The following PKD1L3 variants were observed in gnomAD, a reference collection of about 807,000 sequenced individuals.
PKD1L3 encodes polycystin 1 like 3, transient receptor potential channel interacting.
In PKD1L3, 239 loss-of-function variants were observed where a neutral mutation model predicts 184.1. The ratio of observed to expected loss-of-function variants is 1.30; its 90% CI spans 1.17 to 1.45. The LOEUF (loss-of-function observed/expected upper bound fraction) is 1.45, where lower values mean the gene tolerates loss of function less well. PKD1L3 is among the 40% of genes most tolerant of loss of function. The pLI, the probability that PKD1L3 is intolerant of heterozygous loss-of-function variation, is 0.00. For synonymous variants in PKD1L3, 996 were observed against 778.8 expected (o/e 1.28, Z -4.64); for missense variants, 2,660 against 2,067.2 (o/e 1.29, Z -5.56).
intron 22 of PKD1L3, among the ~76,000 whole-genome samples, chr16:71,946,201 G>T (rs767930759): frequency 1.3e-5 from 2 of 152,152 alleles, no homozygotes; most frequent in Non-Finnish European, 2.9e-5. Flanking sequence ...TTTAAAGTCA[G>T]ATTAAGTTTT....
chr16:71,975,838 G>C (rs558692701), intron 11 of PKD1L3, among the ~76,000 whole-genome samples: 47 of 152,204 alleles, frequency 3.1e-4, no homozygotes, highest in Non-Finnish European at 6.5e-4. Flanking sequence ...TAAACCTGGT[G>C]AAATCGGAAT....
rs2038062398 is a variant in PKD1L3, at chr16:71,933,456, A to C, written c.4890T>G (p.Val1630=). The change falls in exon 28 of 30, where the codon GTT becomes GTG. Residue 1630 remains valine, a synonymous_variant. Transcript: ENST00000620267. ...GAGAAATTCCCATCAGGAGACCAAC[A>C]ACAGTCACTGCTGAGCTGAAAAATG... The part of the protein sequence containing the change: ...YRTFFSSAVT[V]VGLLMGISHQ... 4 of 1,550,956 alleles carry C rather than the reference A, an allele frequency of 2.6e-6. No homozygotes were observed. The highest frequency in any genetic ancestry group is 1.4e-5 in the African/African-American group (1 of 73,008).
At chr16:71,943,537 C>CAAA (rs10693124) in intron 23 of PKD1L3, among the ~76,000 whole-genome samples, 9,676 of 83,834 alleles carry the variant, frequency 0.12, 902 homozygotes, top group African/African-American at 0.17. Flanking sequence ...GACTCCGTCT[C>CAAA]AAAAAAAAAA....
intron 16 of PKD1L3, among the ~76,000 whole-genome samples, chr16:71,955,850 G>A (rs1021202134): frequency 6.6e-6 from 1 of 152,104 alleles, no homozygotes; most frequent in African/African-American, 2.4e-5. Flanking sequence ...TCTCCTTGCT[G>A]CCATGTGAAG....
chr16:71,991,574 G>T (rs559232614), intron 3 of PKD1L3, among the ~76,000 whole-genome samples: 1 of 152,268 alleles, frequency 6.6e-6, no homozygotes, highest in Admixed American at 6.5e-5. Context: ...ACAACAAAAA[G>T]GGTGATAAAT....
chr16:71,930,332 A>T, intron 28 of PKD1L3, 149 bp from the exon 29 acceptor site: 1 of 696,112 alleles, frequency 1.4e-6, no homozygotes, highest in Non-Finnish European at 2.2e-6. Flanking sequence ...ATAAGAAGGA[A>T]AATACTTTTA....
At chr16:71,970,794 C>G (rs529808587) in intron 12 of PKD1L3, among the ~76,000 whole-genome samples, 48 of 152,154 alleles carry the variant, frequency 3.2e-4, no homozygotes, top group Admixed American at 5.9e-4. Context: ...GGTGACAGAG[C>G]AAGACTCTGT....
In PKD1L3 at chr16:71,977,282, G is replaced by T. The variant is rs1559401; in HGVS notation, c.1713C>A (p.His571Gln). The change falls in exon 11 of 30, where the codon CAC becomes CAA. Residue 571 changes from histidine (H) to glutamine (Q), a missense_variant. Transcript: ENST00000620267. ...LGFQYQPNCT[H>Q]FHLNITLPKD... ...TTGGAAGGGTGATGTTCAGGTGGAA[G>T]TGAGTGCAGTTAGGCTGATACTGGA... The T allele has an allele frequency of 0.77, 1,184,809 of 1,529,264 alleles. 461,833 individuals are homozygous for T. The highest frequency in any genetic ancestry group is 0.86 in the South Asian group (71,520 of 83,622). The allele number at this position is 1,529,264 out of a possible 1,614,324, so 94.7% of individuals were successfully genotyped here. A position where few individuals can be genotyped will look rare whatever the true frequency, so the allele number is the denominator to read the frequency against.
intron 12 of PKD1L3, among the ~76,000 whole-genome samples, chr16:71,972,770 A>C (rs1221662086): frequency 6.6e-6 from 1 of 152,186 alleles, no homozygotes; most frequent in Non-Finnish European, 1.5e-5. Context: ...CTGATTTGCA[A>C]GACCTTACAC....
At chr16:71,987,166 A>G (rs755012659) in intron 4 of PKD1L3, among the ~76,000 whole-genome samples, 4 of 150,978 alleles carry the variant, frequency 2.6e-5, no homozygotes, top group Non-Finnish European at 3.0e-5. Flanking sequence ...CTTGTGATCC[A>G]CCCACCTTGG....
intron 22 of PKD1L3, among the ~76,000 whole-genome samples, chr16:71,946,563 G>C (rs2038610788): frequency 6.6e-6 from 1 of 151,776 alleles, no homozygotes; most frequent in Non-Finnish European, 1.5e-5. Context: ...GGGTAGGCCA[G>C]TTAGCCTTAG....
Position 71,944,100 on chromosome 16 carries a change from A to T in PKD1L3, c.3789T>A (p.Asn1263Lys). 6.4e-7 allele frequency: 1 copy of T among 1,551,740 alleles called. No individual in the cohort carries two copies. The highest frequency in any genetic ancestry group is 8.7e-7 in the Non-Finnish European group (1 of 1,146,762). Residue 1263 changes from asparagine to lysine, a missense_variant, in exon 23 of 30, where the codon AAT (asparagine) becomes AAA (lysine). By Grantham distance (94) the Asn-to-Lys change is moderately conservative. Coordinates refer to ENST00000620267, the MANE Select transcript of PKD1L3 (RefSeq NM_181536.2). The part of the protein sequence containing the change: ...NNPVYVAPAI[N>K]SPTKHPERTL... ...TTCTTTCTGGGTGCTTAGTTGGACTATTTATAGCTGGGGCTACATAGACGG... is the reference window on the plus strand; with the variant it reads ...TTCTTTCTGGGTGCTTAGTTGGACTTTTTATAGCTGGGGCTACATAGACGG...
At chr16:71,956,504 G>C (rs975044507) in intron 16 of PKD1L3, among the ~76,000 whole-genome samples, 1 of 151,994 alleles carries the variant, frequency 6.6e-6, no homozygotes, top group Non-Finnish European at 1.5e-5. Flanking sequence ...AAAAAGGAAG[G>C]AAATTCTTGC....
chr16:71,950,186 G>A lies in PKD1L3; in HGVS notation c.3315C>T (p.Ala1105=), dbSNP rs1275381491. 3 of 1,552,284 alleles carry A rather than the reference G, an allele frequency of 1.9e-6. No homozygotes were observed. The East Asian group carries it at 7.3e-5, about 38-fold the overall frequency. Residue 1105 remains alanine, a synonymous_variant, in exon 20 of 30, where the codon GCC becomes GCT. Coordinates refer to ENST00000620267, the MANE Select transcript of PKD1L3 (RefSeq NM_181536.2). ...GTTCCTGGAGTTTTTGAAGTTGGCT[G>A]GCTGCATCTAGGAAGTCACAGGACT... The part of the protein sequence containing the change: ...GHQSCDFLDA[A]SQLQKLQELL...
intron 18 of PKD1L3, 90 bp from the exon 19 acceptor site, chr16:71,951,834 G>T (rs142891577): frequency 5.1e-6 from 6 of 1,182,240 alleles, no homozygotes; most frequent in Middle Eastern, 2.0e-4. Context: ...GTTCCCTTTC[G>T]TCAGAAGGGG....
rs189370109 is a variant in PKD1L3, at chr16:71,931,711, C to T, written c.4927-1528G>A. 1.4e-4 allele frequency among the ~76,000 whole-genome samples: 22 copies of T among 152,138 alleles called. 1 individual carries two copies. The highest frequency in any genetic ancestry group is 5.1e-4 in the African/African-American group (21 of 41,502). On this transcript the variant is annotated intron_variant, in intron 28 of 29. Transcript: ENST00000620267. Reference sequence around the variant, plus strand: ...ACTCCTGACCTCAAGTGATCAGCCCCACCTTGGCCTTCTAGAGTGCTGGGA... The same window carrying T: ...ACTCCTGACCTCAAGTGATCAGCCCTACCTTGGCCTTCTAGAGTGCTGGGA...
At chr16:71,984,223 T>C (rs765731962) in intron 5 of PKD1L3, 56 bp from the exon 6 acceptor site, 120 of 1,499,750 alleles carry the variant, frequency 8.0e-5, no homozygotes, top group Non-Finnish European at 1.0e-4. Context: ...TGTACTGTAG[T>C]AGTCAGGGAG....
In PKD1L3 at chr16:71,940,063, G is replaced by A. The variant is rs543780370; in HGVS notation, c.4324+2497C>T. On this transcript the variant is annotated intron_variant, in intron 24 of 29. Coordinates refer to ENST00000620267, the MANE Select transcript of PKD1L3 (RefSeq NM_181536.2). ...AAAGCCTCAGAAATTGCAGGCATCA[G>A]GTACTTCTGAAGGTAGAAGTTCAGG... Among the ~76,000 whole-genome samples, 58 of 152,214 alleles carry A rather than the reference G, an allele frequency of 3.8e-4. No individual in the cohort carries two copies. In the South Asian group the frequency reaches 0.012, roughly 31 times the overall value.
chr16:71,943,969 C>T (rs1385091105), intron 23 of PKD1L3, 61 bp downstream of exon 23: 1 of 1,478,142 alleles, frequency 6.8e-7, no homozygotes, highest in African/African-American at 1.4e-5. Flanking sequence ...TATTCTCTCT[C>T]TTCCTTTCCC....
Sources: gnomAD v4.1 joint callset for allele counts (sites outside exome capture counted in the v4.1 genomes callset) on GRCh38, gnomAD v4.1.1 for gene constraint, MANE v1.5 for transcripts, NCBI Gene and HGNC (gene_info 2026-07-23, HGNC 2026-07-21) for gene names.